CSMD1: variants seen among roughly 807,000 people sequenced by gnomAD.
CSMD1 encodes the protein CUB and sushi domain-containing protein 1.
A neutral mutation model predicts 417.5 loss-of-function variants in CSMD1; 213 were observed. The observed-to-expected ratio is 0.51, with a 90% CI of 0.46 to 0.57. The LOEUF (loss-of-function observed/expected upper bound fraction) is 0.57. CSMD1 is among the 20% of genes least tolerant of loss of function. The pLI, the probability that CSMD1 is intolerant of heterozygous loss-of-function variation, is 0.00. For synonymous variants in CSMD1, 2,862 were observed against 1,736.8 expected, an observed-to-expected ratio of 1.65 and a Z score of -16.11; for missense variants, 6,923 against 4,529.7, an observed-to-expected ratio of 1.53 and a Z score of -15.17.
intron 5 of CSMD1, among the ~76,000 whole-genome samples, chr8:3,860,215 C>G (rs1324061530): frequency 6.6e-6 from 1 of 152,084 alleles, no homozygotes; most frequent in African/African-American, 2.4e-5. Flanking sequence ...GGAACAGCAC[C>G]AGGTCGTGTT....
At chr8:4,802,235 G>C (rs10097166) in intron 1 of CSMD1, among the ~76,000 whole-genome samples, 1 of 152,140 alleles carries the variant, frequency 6.6e-6, no homozygotes, top group Non-Finnish European at 1.5e-5. Context: ...TAAACTAGTA[G>C]TGTTTGCCCT....
chr8:4,261,535 T>G (rs1304639097), intron 3 of CSMD1, among the ~76,000 whole-genome samples: 2 of 152,174 alleles, frequency 1.3e-5, no homozygotes, highest in Non-Finnish European at 2.9e-5. Context: ...ACTTGAAATT[T>G]GCTAAGGTAA....
At chr8:3,639,431 A>C (rs931702032) in intron 7 of CSMD1, among the ~76,000 whole-genome samples, 2 of 152,190 alleles carry the variant, frequency 1.3e-5, no homozygotes, top group African/African-American at 4.8e-5. Context: ...ATGCTGAAAA[A>C]ACATCCTTGA....
chr8:3,565,219 T>A (rs13257891), intron 10 of CSMD1, among the ~76,000 whole-genome samples: 1 of 138,922 alleles, frequency 7.2e-6, no homozygotes, highest in Non-Finnish European at 1.5e-5. Context: ...GATAGAGAGA[T>A]AGACAGATAG....
At position 3,814,621 on chromosome 8, in the gene CSMD1, G is replaced by C. The variant is rs563459151; in HGVS notation, c.819-60579C>G. ...GCTGCTGGACATCCCACAGCACACAGAACGGCCTCCCAAACAAAGAGCTAT... is the reference window on the plus strand; with the variant it reads ...GCTGCTGGACATCCCACAGCACACACAACGGCCTCCCAAACAAAGAGCTAT... On this transcript the variant is annotated intron_variant, in intron 5 of 69. Coordinates refer to ENST00000635120, the MANE Select transcript of CSMD1 (RefSeq NM_033225.6). Among the ~76,000 whole-genome samples, 3 of 152,276 alleles carry C rather than the reference G, an allele frequency of 2.0e-5. No homozygotes were observed. The South Asian group carries it at 6.2e-4, about 32-fold the overall frequency.
chr8:4,307,828 G>C (rs1409051011), intron 3 of CSMD1, among the ~76,000 whole-genome samples: 1 of 152,162 alleles, frequency 6.6e-6, no homozygotes, highest in Non-Finnish European at 1.5e-5. Flanking sequence ...ATAATATGAT[G>C]ATTTAACTGT....
intron 3 of CSMD1, among the ~76,000 whole-genome samples, chr8:4,417,440 C>T (rs1797005683): frequency 6.6e-6 from 1 of 151,962 alleles, no homozygotes; most frequent in South Asian, 2.1e-4. Flanking sequence ...AGATTCTTCT[C>T]CTTTCAAGCC....
chr8:4,195,793 C>T (rs976550501), intron 3 of CSMD1, among the ~76,000 whole-genome samples: 1 of 152,088 alleles, frequency 6.6e-6, no homozygotes, highest in Admixed American at 6.6e-5. Context: ...CCTGAATGAG[C>T]TTGGATGCAC....
At chr8:4,450,025 C>G (rs1401352563) in intron 2 of CSMD1, among the ~76,000 whole-genome samples, 2 of 152,176 alleles carry the variant, frequency 1.3e-5, no homozygotes, top group African/African-American at 2.4e-5. Flanking sequence ...GCCTGGGTGT[C>G]CTGTCCTTGA....
intron 1 of CSMD1, among the ~76,000 whole-genome samples, chr8:4,803,256 C>A (rs1201961411): frequency 3.9e-5 from 6 of 152,078 alleles, no homozygotes; most frequent in African/African-American, 1.4e-4. Flanking sequence ...TTATGGTTTA[C>A]TGAGAAATGT....
intron 5 of CSMD1, among the ~76,000 whole-genome samples, chr8:3,992,211 T>C (rs993641779): frequency 6.6e-6 from 1 of 151,890 alleles, no homozygotes; most frequent in African/African-American, 2.4e-5. Context: ...TTATTTCCCA[T>C]TTATGCTATA....
intron 33 of CSMD1, among the ~76,000 whole-genome samples, chr8:3,195,631 G>T (rs1193200452): frequency 6.6e-6 from 1 of 152,122 alleles, no homozygotes; most frequent in East Asian, 1.9e-4. Context: ...TGCAGGTCCT[G>T]CCAGTCCCTG....
In CSMD1 at chr8:4,577,403, C is replaced by T. The variant is rs577945607; in HGVS notation, c.302+59939G>A. 2.6e-5 allele frequency among the ~76,000 whole-genome samples: 4 copies of T among 152,122 alleles called. No homozygotes were observed. The South Asian group carries it at 6.2e-4, about 24-fold the overall frequency. ...CACATTTCTTTCCATCCTCTCAAGT[C>T]GGGGAAATGTTCTTGGACACTCTGC... On this transcript the variant is annotated intron_variant, in intron 2 of 69. Coordinates refer to ENST00000635120, the MANE Select transcript of CSMD1 (RefSeq NM_033225.6).
At chr8:3,988,205 T>G (rs954564315) in intron 5 of CSMD1, among the ~76,000 whole-genome samples, 4 of 152,154 alleles carry the variant, frequency 2.6e-5, no homozygotes, top group African/African-American at 9.7e-5. Context: ...CTGGTGAGTC[T>G]GTGAATCCTA....
chr8:3,292,108 T>C (rs1803623534), intron 25 of CSMD1, among the ~76,000 whole-genome samples: 1 of 152,186 alleles, frequency 6.6e-6, no homozygotes, highest in South Asian at 2.1e-4. Context: ...CAGGAGCAGG[T>C]TGTTCAGTTT....
intron 5 of CSMD1, among the ~76,000 whole-genome samples, chr8:3,912,785 T>G (rs1279533647): frequency 6.6e-6 from 1 of 152,204 alleles, no homozygotes; most frequent in Non-Finnish European, 1.5e-5. Flanking sequence ...CACGAAGGCA[T>G]GCAATGCTAG....
intron 3 of CSMD1, among the ~76,000 whole-genome samples, chr8:4,371,566 T>A (rs1460143237): frequency 6.6e-6 from 1 of 152,150 alleles, no homozygotes; most frequent in African/African-American, 2.4e-5. Context: ...AATGTATTAT[T>A]TTTTCATTCA....
intron 26 of CSMD1, among the ~76,000 whole-genome samples, chr8:3,256,741 A>C (rs2117064239): frequency 6.6e-6 from 1 of 152,308 alleles, no homozygotes; most frequent in South Asian, 2.1e-4. Flanking sequence ...TGCATGTTTA[A>C]ATCCTGACTC....
intron 3 of CSMD1, among the ~76,000 whole-genome samples, chr8:4,348,487 A>G (rs1800902001): frequency 6.6e-6 from 1 of 152,082 alleles, no homozygotes. Context: ...TTCTTTCCAC[A>G]AAAAGGTAGC....
Sources: gnomAD v4.1 joint callset for allele counts (sites outside exome capture counted in the v4.1 genomes callset) on GRCh38, gnomAD v4.1.1 for gene constraint, MANE v1.5 for transcripts, NCBI Gene and HGNC (gene_info 2026-07-23, HGNC 2026-07-21) for gene names.